SATB1: variants seen among roughly 807,000 people sequenced by gnomAD.
SATB1 encodes SATB homeobox 1.
A neutral mutation model predicts 86.9 loss-of-function variants in SATB1; 11 were observed. That is an observed-to-expected ratio of 0.13 (90% CI 0.08 to 0.21). The LOEUF is 0.21. Among genes scored for constraint, SATB1 ranks in the 10% least tolerant of loss-of-function variants. The pLI is 1.00. For synonymous variants in SATB1, 357 were observed against 357.2 expected (o/e 1.00, Z 0.01); for missense variants, 551 against 937.6 (o/e 0.59, Z 5.39).
intron 7 of SATB1, among the ~76,000 whole-genome samples, chr3:18,387,801 G>A (rs1457866409): frequency 6.6e-6 from 1 of 152,126 alleles, no homozygotes; most frequent in Admixed American, 6.5e-5. Flanking sequence ...TTGGGGGAAG[G>A]AAGGTAACGT....
At chr3:18,351,262 G>A (rs1460284559) in intron 10 of SATB1, 7 of 1,455,140 alleles carry the variant, frequency 4.8e-6, no homozygotes, top group Non-Finnish European at 6.5e-6. Flanking sequence ...AGGTCTTTAG[G>A]TCACCCCCTC....
intron 2 of SATB1, among the ~76,000 whole-genome samples, chr3:18,430,344 T>C (rs1381862644): frequency 1.3e-5 from 2 of 152,232 alleles, no homozygotes; most frequent in African/African-American, 4.8e-5. Flanking sequence ...ATCTGTAAAG[T>C]TGCAGGAAAT....
intron 2 of SATB1, among the ~76,000 whole-genome samples, chr3:18,419,329 T>C (rs1269177249): frequency 1.3e-5 from 2 of 152,152 alleles, no homozygotes; most frequent in Non-Finnish European, 2.9e-5. Flanking sequence ...TTCCAGCATT[T>C]AAAGGGGAGA....
At position 18,415,204 on chromosome 3, in the gene SATB1, T is replaced by A. The variant is rs1698048371; in HGVS notation, c.546A>T (p.Glu182Asp). 2 of 1,612,904 alleles carry A rather than the reference T, an allele frequency of 1.2e-6. No individual in the cohort carries two copies. Residue 182 changes from glutamate to aspartate, a missense_variant, in exon 5 of 11, where the codon GAA (glutamate) becomes GAT (aspartate). This residue lies in a region of SATB1 where 153 missense variants were observed against 258.1 expected (regional missense o/e 0.59). Transcript: ENST00000338745. Reference sequence around the variant, plus strand: ...TCCTCACTGTGGTGTGCGACCATTGTTCGGGAGGCAAGTCTTCTAGTTTGG... The same window carrying A: ...TCCTCACTGTGGTGTGCGACCATTGATCGGGAGGCAAGTCTTCTAGTTTGG... ...SCPKLEDLPPEQWSHTTVRNA... is the reference protein window; with the variant it reads ...SCPKLEDLPPDQWSHTTVRNA...
upstream of SATB1, among the ~76,000 whole-genome samples, chr3:18,426,093 G>C (rs1481478051): frequency 6.6e-6 from 1 of 152,176 alleles, no homozygotes; most frequent in African/African-American, 2.4e-5. This position sits in a 1 kb window ranked among gnomAD's most constrained non-coding sequence, Gnocchi z 4.2. Context: ...GGGTACAGAC[G>C]GAAGGCAGTT....
At chr3:18,405,491 AAGTAAATATTAGAATT>A (rs961512573) in intron 5 of SATB1, among the ~76,000 whole-genome samples, 7 of 152,050 alleles carry the variant, frequency 4.6e-5, no homozygotes, top group Admixed American at 4.6e-4. Flanking sequence ...CATTTTCCAA[AAGTAAATATTAGAATT>A]AGGTTCTGTA....
At chr3:18,375,439 T>C (rs950488835) in intron 9 of SATB1, among the ~76,000 whole-genome samples, 4 of 152,156 alleles carry the variant, frequency 2.6e-5, no homozygotes, top group African/African-American at 4.8e-5. Context: ...TGTAGGTAGA[T>C]GGGCTGAGAC....
At chr3:18,351,532 T>G in intron 10 of SATB1, 1 of 665,468 alleles carries the variant, frequency 1.5e-6, no homozygotes, top group Non-Finnish European at 2.5e-6. Context: ...CCAATTAAGC[T>G]TCCCTCCCCT....
chr3:18,353,914 A>T (rs1694502818), intron 9 of SATB1, among the ~76,000 whole-genome samples: 1 of 152,182 alleles, frequency 6.6e-6, no homozygotes, highest in Non-Finnish European at 1.5e-5. Flanking sequence ...ATTTGATGCC[A>T]CTGAATGCAT....
intron 9 of SATB1, among the ~76,000 whole-genome samples, chr3:18,367,494 G>A (rs1695243640): frequency 6.6e-6 from 1 of 152,176 alleles, no homozygotes; most frequent in Non-Finnish European, 1.5e-5. Flanking sequence ...GCAAGATAAA[G>A]TTTGTAACAC....
intron 1 of SATB1, chr3:18,445,197 A>G (rs1575197001): frequency 1.0e-6 from 1 of 979,106 alleles, no homozygotes; most frequent in Admixed American, 6.3e-5. Flanking sequence ...CCGCCTCCCC[A>G]GCGCCCGCCC....
At chr3:18,380,823 CA>C (rs1488339112) in intron 8 of SATB1, among the ~76,000 whole-genome samples, 1 of 151,642 alleles carries the variant, frequency 6.6e-6, no homozygotes, top group Non-Finnish European at 1.5e-5. Flanking sequence ...AAAATGGAAA[CA>C]AAAATCTTTT....
At chr3:18,387,760 C>A (rs936288247) in intron 7 of SATB1, among the ~76,000 whole-genome samples, 20 of 152,088 alleles carry the variant, frequency 1.3e-4, no homozygotes, top group Non-Finnish European at 2.6e-4. Context: ...AATCTACTTT[C>A]CAATATCCTG....
rs188148416 is a variant in SATB1 at position 18,349,152 on chromosome 3, G to A, written c.*18C>T. ...GTAAATACCAGTGGCACTGTTGAAC[G>A]AAACAAATACTTTTATCTCAGTCTT... On this transcript the variant is annotated 3_prime_UTR_variant, in exon 11 of 11. Transcript: ENST00000338745. This position sits in a 1 kb window ranked among gnomAD's most constrained non-coding sequence, Gnocchi z 5.5. 489 of 1,607,440 alleles carry A rather than the reference G, an allele frequency of 3.0e-4. 6 individuals are homozygous for A. In the South Asian group the frequency reaches 3.2e-3, roughly 10 times the overall value.
chr3:18,351,994 G>C lies in SATB1; in HGVS notation c.1777C>G (p.Gln593Glu). Residue 593 changes from glutamine (Q) to glutamate (E), a missense_variant and splice_region_variant, in exon 10 of 11, where the codon CAG (glutamine) becomes GAG (glutamate). This residue lies in a region of SATB1 where 87 missense variants were observed against 103.6 expected (regional missense o/e 0.84). Transcript: ENST00000338745. ...HIIHVPAEQI[Q>E]QQQQQQQQQQ... ...TGAATTGGCCAAAGTAAACGAACCT[G>C]AATCTGCTCTGCTGGAACATGGATA... The C allele has an allele frequency of 1.9e-6, 3 of 1,614,136 alleles. No individual in the cohort carries two copies. The highest frequency in any genetic ancestry group is 2.5e-6 in the Non-Finnish European group (3 of 1,180,018).
chr3:18,367,731 T>C (rs186158556), intron 9 of SATB1, among the ~76,000 whole-genome samples: 169 of 152,322 alleles, frequency 1.1e-3, no homozygotes, highest in African/African-American at 3.7e-3. Context: ...GCAACTTTTT[T>C]CCCCTCTCTT....
intron 9 of SATB1, among the ~76,000 whole-genome samples, chr3:18,371,650 T>C (rs1695485110): frequency 6.6e-6 from 1 of 152,248 alleles, no homozygotes; most frequent in African/African-American, 2.4e-5. Flanking sequence ...GCTATTTTTC[T>C]ATTGTCCTTT....
rs567093844 is a variant in SATB1 at position 18,423,676 on chromosome 3, T to C, written c.-74A>G. The C allele has an allele frequency of 2.6e-5, 4 of 151,232 alleles. No individual in the cohort carries two copies. Among genetic ancestry groups the C allele is most frequent in the Non-Finnish European group, 5.9e-5 (4 of 67,878 alleles). 9.4% of individuals were successfully genotyped at this position (151,232 alleles called of 1,614,324 possible). On this transcript the variant is annotated 5_prime_UTR_variant, in exon 1 of 11. Coordinates refer to ENST00000338745, the MANE Select transcript of SATB1 (RefSeq NM_002971.6). ...AATAACAAAAACAAAGGAGATTTCC[T>C]TTGCAGCCCGGGTTCTTGAAGAGAA...
intron 9 of SATB1, among the ~76,000 whole-genome samples, chr3:18,369,037 C>G (rs1012740526): frequency 2.0e-5 from 3 of 152,120 alleles, no homozygotes; most frequent in Non-Finnish European, 2.9e-5. Context: ...GTTTCCAACT[C>G]TGCCTTTCAA....
Sources: gnomAD v4.1 joint callset for allele counts (sites outside exome capture counted in the v4.1 genomes callset) on GRCh38, gnomAD v4.1.1 for gene constraint, gnomAD v4.1.1 regional missense constraint, Gnocchi (gnomAD v3.1) non-coding constraint, MANE v1.5 for transcripts, NCBI Gene and HGNC (gene_info 2026-07-23, HGNC 2026-07-21) for gene names.